CCSER1: variants seen among roughly 807,000 people sequenced by gnomAD.
CCSER1 encodes the protein coiled-coil serine rich protein 1, also known as serine-rich coiled-coil domain-containing protein 1.
CCSER1 carries 41 observed loss-of-function variants against 82.0 expected under a neutral mutation model. The ratio of observed to expected loss-of-function variants is 0.50; its 90% CI spans 0.39 to 0.65. The LOEUF (loss-of-function observed/expected upper bound fraction) is 0.65, where lower values mean the gene tolerates loss of function less well. CCSER1 is among the 30% of genes least tolerant of loss of function. The pLI is 0.00. For synonymous variants in CCSER1, 414 were observed against 383.9 expected, an observed-to-expected ratio of 1.08 and a Z score of -0.92; for missense variants, 1,119 against 1,064.2, an observed-to-expected ratio of 1.05 and a Z score of -0.72.
intron 1 of CCSER1, among the ~76,000 whole-genome samples, chr4:90,212,751 A>G (rs1740267224): frequency 6.6e-6 from 1 of 152,182 alleles, no homozygotes; most frequent in Non-Finnish European, 1.5e-5. Flanking sequence ...TAGGAGTGCA[A>G]TGGTAGTTGC....
intron 5 of CCSER1, among the ~76,000 whole-genome samples, chr4:90,519,916 T>C (rs1302542295): frequency 6.6e-6 from 1 of 152,076 alleles, no homozygotes; most frequent in Non-Finnish European, 1.5e-5. Context: ...CGGTTTTCTT[T>C]GAAGTGAAAA....
intron 5 of CCSER1, among the ~76,000 whole-genome samples, chr4:90,579,460 G>C (rs183962133): frequency 6.4e-4 from 97 of 152,164 alleles, no homozygotes; most frequent in African/African-American, 2.3e-3. Flanking sequence ...TTCAGAGTTG[G>C]GATTCTTGAT....
chr4:90,957,604 ATAAT>A (rs1733642855), intron 9 of CCSER1, among the ~76,000 whole-genome samples: 1 of 129,118 alleles, frequency 7.7e-6, no homozygotes, highest in African/African-American at 2.9e-5. Flanking sequence ...TATATTATAT[ATAAT>A]ATATATTATA....
chr4:90,972,186 G>A (rs1361059688), intron 9 of CCSER1, among the ~76,000 whole-genome samples: 2 of 151,664 alleles, frequency 1.3e-5, no homozygotes, highest in Admixed American at 6.6e-5. Context: ...TTAGGAAGAA[G>A]AAAAATTGTC....
chr4:91,196,656 C>G (rs1483103720), intron 10 of CCSER1, among the ~76,000 whole-genome samples: 1 of 152,124 alleles, frequency 6.6e-6, no homozygotes, highest in Non-Finnish European at 1.5e-5. Flanking sequence ...ATAAATTGAT[C>G]ATTTGGTGAT....
intron 10 of CCSER1, among the ~76,000 whole-genome samples, chr4:91,520,921 T>A (rs184339155): frequency 6.6e-6 from 1 of 152,334 alleles, no homozygotes; most frequent in East Asian, 1.9e-4. Flanking sequence ...AGTTCGAGGG[T>A]ACATGTGCAC....
chr4:91,162,389 C>T (rs1025243927), intron 10 of CCSER1, among the ~76,000 whole-genome samples: 1 of 152,112 alleles, frequency 6.6e-6, no homozygotes, highest in African/African-American at 2.4e-5. Flanking sequence ...ATCTAAAATT[C>T]TCTTTTTTGG....
Position 90,673,553 on chromosome 4 carries a change from G to T in CCSER1, c.1932+45321G>T, listed in dbSNP as rs182699239. ...CTCCTGCCAGTCACAATGAAGGGCA[G>T]AAAATACTGTGCCAGTTGAGGCACA... On this transcript the variant is annotated intron_variant, in intron 6 of 10. Coordinates refer to ENST00000509176, the MANE Select transcript of CCSER1 (RefSeq NM_001145065.2). Among the ~76,000 whole-genome samples the T allele has an allele frequency of 3.4e-3, 510 of 152,072 alleles. 12 individuals carry two copies. Among genetic ancestry groups the T allele is most frequent in the Non-Finnish European group, 1.3e-3 (91 of 67,916 alleles).
At chr4:90,811,866 TAGTC>T (rs60531231) in intron 7 of CCSER1, among the ~76,000 whole-genome samples, 49,956 of 150,354 alleles carry the variant, frequency 0.33, 8,450 homozygotes, top group East Asian at 0.42. Context: ...CTAGCTGTAT[TAGTC>T]AGGGTTCTTT....
chr4:90,560,262 C>T (rs933542737), intron 5 of CCSER1, among the ~76,000 whole-genome samples: 1 of 151,678 alleles, frequency 6.6e-6, no homozygotes, highest in Non-Finnish European at 1.5e-5. Context: ...AGAGAATATC[C>T]AAATATTCTC....
intron 6 of CCSER1, among the ~76,000 whole-genome samples, chr4:90,640,702 T>A (rs959832418): frequency 6.6e-6 from 1 of 152,136 alleles, no homozygotes; most frequent in Non-Finnish European, 1.5e-5. Flanking sequence ...CTTGTGATAG[T>A]GAGTGAGTTC....
chr4:90,650,894 A>C (rs995575361), intron 6 of CCSER1, among the ~76,000 whole-genome samples: 1 of 152,232 alleles, frequency 6.6e-6, no homozygotes, highest in African/African-American at 2.4e-5. Flanking sequence ...ATAGTCTCAT[A>C]ACTAAGAAGC....
intron 4 of CCSER1, among the ~76,000 whole-genome samples, chr4:90,441,554 C>T (rs1351818183): frequency 1.3e-5 from 2 of 152,050 alleles, no homozygotes; most frequent in African/African-American, 2.4e-5. Flanking sequence ...CTTCCAAGAG[C>T]CCTGTGTCCA....
intron 8 of CCSER1, among the ~76,000 whole-genome samples, chr4:90,918,755 T>C (rs1389043830): frequency 8.4e-6 from 1 of 119,420 alleles, no homozygotes; most frequent in Non-Finnish European, 1.7e-5. Flanking sequence ...ATCCAGTGTG[T>C]AAAATACACA....
intron 7 of CCSER1, among the ~76,000 whole-genome samples, chr4:90,737,842 ATTAC>A (rs1745915534): frequency 6.6e-6 from 1 of 152,046 alleles, no homozygotes; most frequent in South Asian, 2.1e-4. Context: ...CTTCAGGCTT[ATTAC>A]TTTTTTATTC....
At chr4:91,078,130 G>A (rs956411258) in intron 9 of CCSER1, among the ~76,000 whole-genome samples, 4 of 152,238 alleles carry the variant, frequency 2.6e-5, no homozygotes, top group African/African-American at 9.6e-5. Context: ...TCTGAGAACA[G>A]ACAGACTGCC....
chr4:90,173,808 C>A (rs984466127), intron 1 of CCSER1, among the ~76,000 whole-genome samples: 1 of 151,896 alleles, frequency 6.6e-6, no homozygotes, highest in Non-Finnish European at 1.5e-5. Context: ...TTAAGAGTGG[C>A]TGGCTGTGAT....
chr4:90,445,641 T>G (rs77617043), intron 4 of CCSER1, among the ~76,000 whole-genome samples: 1,836 of 152,158 alleles, frequency 0.012, 17 homozygotes, highest in South Asian at 0.022. Flanking sequence ...GTATGAAAAA[T>G]TAATGTCCTT....
intron 10 of CCSER1, among the ~76,000 whole-genome samples, chr4:91,439,497 G>C (rs1379044682): frequency 6.6e-6 from 1 of 151,968 alleles, no homozygotes; most frequent in Admixed American, 6.6e-5. Context: ...AACATGGAAA[G>C]GAACAACCAG....
Sources: gnomAD v4.1 joint callset for allele counts (sites outside exome capture counted in the v4.1 genomes callset) on GRCh38, gnomAD v4.1.1 for gene constraint, MANE v1.5 for transcripts, NCBI Gene and HGNC (gene_info 2026-07-23, HGNC 2026-07-21) for gene names.